Variants in RSRC1 observed in about 807,000 individuals in gnomAD.
RSRC1 encodes arginine and serine rich coiled-coil 1.
In RSRC1, 39 loss-of-function variants were observed where a neutral mutation model predicts 49.1. The ratio of observed to expected loss-of-function variants is 0.79; its 90% CI spans 0.61 to 1.04. RSRC1 has a LOEUF of 1.04. Among genes scored for constraint, RSRC1 ranks in the 50% least tolerant of loss-of-function variants. RSRC1 has a pLI of 0.00. For missense variants in RSRC1, 388 were observed against 402.4 expected, an observed-to-expected ratio of 0.96 and a Z score of 0.31; for synonymous variants, 143 against 130.8, an observed-to-expected ratio of 1.09 and a Z score of -0.63.
chr3:158,119,427 T>C (rs1037160715), intron 1 of RSRC1, among the ~76,000 whole-genome samples: 1 of 152,192 alleles, frequency 6.6e-6, no homozygotes, highest in African/African-American at 2.4e-5. Flanking sequence ...ATTTCTTTAA[T>C]CTTATTTTGG....
At chr3:158,246,853 G>A (rs1187489539) in intron 4 of RSRC1, among the ~76,000 whole-genome samples, 2 of 152,092 alleles carry the variant, frequency 1.3e-5, no homozygotes, top group African/African-American at 2.4e-5. Context: ...TGATAATTAT[G>A]TCTTGGGGAT....
At chr3:158,312,034 GT>G (rs1236155078) in intron 5 of RSRC1, among the ~76,000 whole-genome samples, 2 of 152,058 alleles carry the variant, frequency 1.3e-5, no homozygotes, top group African/African-American at 4.8e-5. Context: ...AGTGGACATG[GT>G]AGAAACCCTG....
At chr3:158,196,713 G>A (rs1045537480) in intron 3 of RSRC1, among the ~76,000 whole-genome samples, 7 of 152,096 alleles carry the variant, frequency 4.6e-5, no homozygotes, top group Non-Finnish European at 8.8e-5. Context: ...AGCATGAAGC[G>A]TTGTTGAATT....
intron 4 of RSRC1, among the ~76,000 whole-genome samples, chr3:158,295,959 T>G (rs889745857): frequency 6.6e-6 from 1 of 152,082 alleles, no homozygotes; most frequent in African/African-American, 2.4e-5. Flanking sequence ...ATTAATATCT[T>G]TCTTTCAGAA....
chr3:158,242,344 C>G (rs566191228), intron 4 of RSRC1, among the ~76,000 whole-genome samples: 1 of 152,192 alleles, frequency 6.6e-6, no homozygotes, highest in South Asian at 2.1e-4. Context: ...AGGACAATGA[C>G]TTCCAGCTCC....
intron 5 of RSRC1, among the ~76,000 whole-genome samples, chr3:158,305,889 G>A (rs556976804): frequency 5.3e-5 from 8 of 151,994 alleles, no homozygotes; most frequent in East Asian, 3.9e-4. Context: ...TACTCATAGC[G>A]TTGTTAAAAT....
intron 5 of RSRC1, among the ~76,000 whole-genome samples, chr3:158,304,527 A>G (rs1727736879): frequency 6.6e-6 from 1 of 152,076 alleles, no homozygotes; most frequent in Admixed American, 6.6e-5. Context: ...ATATTTTCTT[A>G]CTGTGTTCTG....
chr3:158,357,329 C>G (rs1731212958), intron 6 of RSRC1, among the ~76,000 whole-genome samples: 1 of 152,048 alleles, frequency 6.6e-6, no homozygotes, highest in African/African-American at 2.4e-5. Context: ...ACTTTTGCAC[C>G]AATTTAATAG....
chr3:158,163,216 T>G (rs1359916679), intron 3 of RSRC1, among the ~76,000 whole-genome samples: 1 of 152,182 alleles, frequency 6.6e-6, no homozygotes, highest in Non-Finnish European at 1.5e-5. Flanking sequence ...TTGGCCAGGC[T>G]GGTCTCAAAC....
At chr3:158,386,622 A>G (rs1732980516) in intron 6 of RSRC1, among the ~76,000 whole-genome samples, 1 of 152,072 alleles carries the variant, frequency 6.6e-6, no homozygotes, top group Non-Finnish European at 1.5e-5. Context: ...TTTAATTTGT[A>G]TTGGGGGGAA....
At chr3:158,159,914 C>T (rs1718114050) in intron 3 of RSRC1, among the ~76,000 whole-genome samples, 1 of 151,932 alleles carries the variant, frequency 6.6e-6, no homozygotes, top group South Asian at 2.1e-4. Context: ...TGCTTAATGC[C>T]ATGTATGTGG....
intron 4 of RSRC1, among the ~76,000 whole-genome samples, chr3:158,247,075 C>A (rs1221931633): frequency 6.6e-6 from 1 of 151,922 alleles, no homozygotes; most frequent in African/African-American, 2.4e-5. Context: ...TTGTTCATTC[C>A]TTTTCATTCT....
At chr3:158,531,703 C>G (rs189024949) in intron 7 of RSRC1, among the ~76,000 whole-genome samples, 1 of 151,580 alleles carries the variant, frequency 6.6e-6, no homozygotes, top group African/African-American at 2.4e-5. Flanking sequence ...ATATTGGTCT[C>G]GAACAACCTC....
chr3:158,261,959 G>A (rs1236420371), intron 4 of RSRC1, among the ~76,000 whole-genome samples: 1 of 152,094 alleles, frequency 6.6e-6, no homozygotes, highest in African/African-American at 2.4e-5. Context: ...CGTATCTTCT[G>A]CCACTCTGCA....
intron 6 of RSRC1, among the ~76,000 whole-genome samples, chr3:158,425,336 T>G (rs1452875759): frequency 6.6e-6 from 1 of 152,136 alleles, no homozygotes; most frequent in Admixed American, 6.6e-5. Context: ...TTTCGTTATG[T>G]ACCCAGTAGT....
chr3:158,230,396 A>G (rs1375774250), intron 4 of RSRC1, among the ~76,000 whole-genome samples: 1 of 152,134 alleles, frequency 6.6e-6, no homozygotes, highest in East Asian at 1.9e-4. Flanking sequence ...TAATTTTTAT[A>G]GTGGTAATAT....
chr3:158,136,144 T>G (rs1578121401), intron 3 of RSRC1, among the ~76,000 whole-genome samples: 1 of 152,352 alleles, frequency 6.6e-6, no homozygotes, highest in African/African-American at 2.4e-5. Flanking sequence ...AGACAAGAGA[T>G]AGCATGGAAA....
chr3:158,280,305 A>C (rs1267098210), intron 4 of RSRC1, among the ~76,000 whole-genome samples: 1 of 152,122 alleles, frequency 6.6e-6, no homozygotes, highest in Non-Finnish European at 1.5e-5. Context: ...TTTTCCTTTG[A>C]TTCTGTCTTA....
intron 7 of RSRC1, among the ~76,000 whole-genome samples, chr3:158,498,027 A>C (rs987798643): frequency 2.0e-5 from 3 of 152,172 alleles, no homozygotes; most frequent in African/African-American, 7.2e-5. Flanking sequence ...TGCTATAAAC[A>C]TGAGTGTGCA....
Sources: gnomAD v4.1 joint callset for allele counts (sites outside exome capture counted in the v4.1 genomes callset) on GRCh38, gnomAD v4.1.1 for gene constraint, MANE v1.5 for transcripts, NCBI Gene and HGNC (gene_info 2026-07-23, HGNC 2026-07-21) for gene names.